The following POLH variants were observed in gnomAD, a reference collection of about 807,000 sequenced individuals.
POLH encodes DNA polymerase eta transcript.
A neutral mutation model predicts 73.6 loss-of-function variants in POLH; 53 were observed. The ratio of observed to expected loss-of-function variants is 0.72; its 90% CI spans 0.58 to 0.91. POLH has a LOEUF of 0.91. POLH is among the 40% of genes least tolerant of loss of function. POLH has a pLI of 0.00. For synonymous variants in POLH, 292 were observed against 308.5 expected (o/e 0.95, Z 0.56); for missense variants, 768 against 865.4 (o/e 0.89, Z 1.41).
At chr6:43,576,786 G>T (rs1266983012) in intron 1 of POLH, among the ~76,000 whole-genome samples, 1 of 152,218 alleles carries the variant, frequency 6.6e-6, no homozygotes, top group Non-Finnish European at 1.5e-5. Flanking sequence ...CAAGTGCTAT[G>T]TATAAGGTTT....
chr6:43,608,981 C>T (rs1367647928), intron 9 of POLH, among the ~76,000 whole-genome samples: 1 of 152,202 alleles, frequency 6.6e-6, no homozygotes, highest in Non-Finnish European at 1.5e-5. Flanking sequence ...TTATCTAACA[C>T]ACTAAGTAAG....
chr6:43,580,710 G>A (rs1210634334), intron 1 of POLH, among the ~76,000 whole-genome samples: 3 of 136,838 alleles, frequency 2.2e-5, no homozygotes, highest in African/African-American at 2.8e-5. Context: ...CTGGCCGGGC[G>A]GGGGGCCGAC....
intron 9 of POLH, 187 bp downstream of exon 9, chr6:43,605,506 T>C (rs1344500359): frequency 1.9e-6 from 1 of 527,106 alleles, no homozygotes; most frequent in Admixed American, 3.3e-5. Flanking sequence ...CTGAGTACAC[T>C]GGCACAATCA....
chr6:43,605,832 C>T (rs1767225843), intron 9 of POLH, among the ~76,000 whole-genome samples: 1 of 151,994 alleles, frequency 6.6e-6, no homozygotes, highest in South Asian at 2.1e-4. Context: ...ATTCTCCTGC[C>T]TCACCTTCCC....
At chr6:43,610,504 C>T (rs1767780697) in intron 9 of POLH, 50 bp from the exon 10 acceptor site, 1 of 1,500,128 alleles carries the variant, frequency 6.7e-7, no homozygotes, top group African/African-American at 1.4e-5. Context: ...ACCTAGAATT[C>T]AGATGCTCCT....
chr6:43,620,409 T>G lies in POLH; in HGVS notation c.*5852T>G, dbSNP rs939194998. On this transcript the variant is annotated 3_prime_UTR_variant, in exon 11 of 11. Coordinates refer to ENST00000372236, the MANE Select transcript of POLH (RefSeq NM_006502.3). ...TTCCACATTCAGGGCTCAGCAGTGT[T>G]GGGGTTTCACTTGTCTCTAATCCTG... 1 of 451,106 alleles carries G rather than the reference T, an allele frequency of 2.2e-6. No individual in the cohort carries two copies. The highest frequency in any genetic ancestry group is 2.0e-5 in the African/African-American group (1 of 49,390). 27.9% of individuals were successfully genotyped at this position (451,106 alleles called of 1,614,324 possible).
At chr6:43,589,233 T>C (rs1765179339) in intron 4 of POLH, among the ~76,000 whole-genome samples, 2 of 152,196 alleles carry the variant, frequency 1.3e-5, no homozygotes, top group Admixed American at 1.3e-4. Context: ...TGGCTGTTAC[T>C]TGCAGCGTAA....
chr6:43,595,373 G>T (rs1765925626), intron 4 of POLH, among the ~76,000 whole-genome samples: 2 of 151,976 alleles, frequency 1.3e-5, no homozygotes, highest in South Asian at 4.1e-4. Flanking sequence ...CTGACCTTGT[G>T]ATCTGCCTGC....
At position 43,614,054 on chromosome 6, in the gene POLH, TC is replaced by T; in HGVS notation, c.1640del (p.Ser547PhefsTer38). 1 of 1,614,194 alleles carries T rather than the reference TC, an allele frequency of 6.2e-7. No homozygotes were observed. The highest frequency in any genetic ancestry group is 2.2e-5 in the East Asian group (1 of 44,886). On this transcript the variant is annotated frameshift_variant, in exon 11 of 11. Transcript: ENST00000372236. LOFTEE classifies it high-confidence loss of function. ...TCTAAAGCAGAAACAGCTTAATAAT[TC>T]TTCAGTTTCTTCCCCCCAACAAAAC... is the stretch of plus-strand genomic sequence containing the variant. ...LLLKQKQLNNSSVSSPQQNPW... is the reference protein window; with the variant it reads ...LLLKQKQLNNXSVSSPQQNPW...
intron 9 of POLH, among the ~76,000 whole-genome samples, chr6:43,608,579 A>T (rs1373056673): frequency 6.6e-6 from 1 of 152,146 alleles, no homozygotes; most frequent in Non-Finnish European, 1.5e-5. Context: ...GGAGCACAGT[A>T]ATACAACCTT....
rs1768322993 is a variant in POLH at position 43,616,153 on chromosome 6, G to A, written c.*1596G>A. On this transcript the variant is annotated 3_prime_UTR_variant, in exon 11 of 11. Coordinates refer to ENST00000372236, the MANE Select transcript of POLH (RefSeq NM_006502.3). ...AAATTAGCCGGGTGCGGTGGCAGGC[G>A]CCTGTAGTCCCAGCTACTCGGGAGG... 6.6e-6 allele frequency among the ~76,000 whole-genome samples: 1 copy of A among 151,868 alleles called. No homozygotes were observed. The highest frequency in any genetic ancestry group is 2.4e-5 in the African/African-American group (1 of 41,370).
chr6:43,597,970 T>G lies in POLH; in HGVS notation c.660+105T>G. 3 of 984,048 alleles carry G rather than the reference T, an allele frequency of 3.0e-6. No individual in the cohort carries two copies. The South Asian group carries it at 3.9e-5, about 13-fold the overall frequency. 61.0% of individuals were successfully genotyped at this position (984,048 alleles called of 1,614,324 possible). A position where few individuals can be genotyped will look rare whatever the true frequency, so the allele number is the denominator to read the frequency against. ...TATTACACATAGGCCGGGTGCAGTTTCGCACGCCTATGTGAGTGGATCGCG... is the reference window on the plus strand; with the variant it reads ...TATTACACATAGGCCGGGTGCAGTTGCGCACGCCTATGTGAGTGGATCGCG... On this transcript the variant is annotated intron_variant, in intron 5 of 10. Transcript: ENST00000372236.
chr6:43,613,501 TAA>T (rs935087414), intron 10 of POLH, among the ~76,000 whole-genome samples, 157 bp from the exon 11 acceptor site: 114 of 152,330 alleles, frequency 7.5e-4, no homozygotes, highest in African/African-American at 2.6e-3. Context: ...ACCACTGCAG[TAA>T]AGAATAATTT....
chr6:43,609,593 A>T (rs754499639), intron 9 of POLH, among the ~76,000 whole-genome samples: 19 of 152,160 alleles, frequency 1.2e-4, no homozygotes, highest in Non-Finnish European at 2.6e-4. Context: ...GTGAGTCATG[A>T]TCTTGCTCTC....
intron 4 of POLH, among the ~76,000 whole-genome samples, chr6:43,591,776 A>T (rs1273706563): frequency 1.3e-5 from 2 of 152,172 alleles, no homozygotes; most frequent in African/African-American, 4.8e-5. Flanking sequence ...TACATAAGAC[A>T]ATTTTGCATG....
At chr6:43,584,131 A>C (rs1392534353) in intron 3 of POLH, among the ~76,000 whole-genome samples, 1 of 152,218 alleles carries the variant, frequency 6.6e-6, no homozygotes, top group Non-Finnish European at 1.5e-5. Flanking sequence ...TGACAGAGTG[A>C]GACCCTGTCT....
intron 4 of POLH, among the ~76,000 whole-genome samples, 196 bp from the exon 5 acceptor site, chr6:43,597,500 A>G (rs1201113483): frequency 1.3e-5 from 2 of 152,250 alleles, no homozygotes; most frequent in Non-Finnish European, 1.5e-5. Flanking sequence ...AATTCAGCCT[A>G]TGCTGAAGCT....
chr6:43,589,877 A>G (rs1212235284), intron 4 of POLH, among the ~76,000 whole-genome samples: 2 of 151,794 alleles, frequency 1.3e-5, no homozygotes, highest in Admixed American at 6.6e-5. Flanking sequence ...AGGCTTTTAT[A>G]TATTTTTTTC....
intron 9 of POLH, among the ~76,000 whole-genome samples, chr6:43,609,069 T>C (rs1275232853): frequency 6.6e-6 from 1 of 152,192 alleles, no homozygotes; most frequent in African/African-American, 2.4e-5. Flanking sequence ...TTCCTTGATT[T>C]ATTCAAATCT....
Sources: allele counts gnomAD v4.1 joint callset (sites outside exome capture counted in the v4.1 genomes callset), GRCh38; gene constraint gnomAD v4.1.1; transcripts MANE v1.5; gene names NCBI Gene and HGNC (gene_info 2026-07-23, HGNC 2026-07-21).